Variants in ZNF91 observed in about 807,000 individuals in gnomAD.
ZNF91 encodes zinc finger protein 91 (HPF7, HTF10).
A neutral mutation model predicts 12.6 loss-of-function variants in ZNF91; 7 were observed. The ratio of observed to expected loss-of-function variants is 0.55; its 90% CI spans 0.31 to 1.04. The LOEUF is 1.04. ZNF91 is among the 50% of genes least tolerant of loss of function. ZNF91 has a pLI of 0.05. For synonymous variants in ZNF91, 453 were observed against 462.6 expected, an observed-to-expected ratio of 0.98 and a Z score of 0.27; for missense variants, 1,217 against 1,385.4, an observed-to-expected ratio of 0.88 and a Z score of 1.93.
intron 3 of ZNF91, among the ~76,000 whole-genome samples, chr19:23,348,745 T>C (rs1416904427): frequency 1.3e-5 from 2 of 152,184 alleles, no homozygotes; most frequent in African/African-American, 2.4e-5. Flanking sequence ...CTTATGGTTA[T>C]CTCTATTCTG....
At chr19:23,368,510 ATCTCTCTCTCTC>A (rs573590418) in intron 3 of ZNF91, among the ~76,000 whole-genome samples, 2,336 of 94,292 alleles carry the variant, frequency 0.025, 70 homozygotes, top group African/African-American at 0.064. Context: ...GCGAAACTCC[ATCTCTCTCTCTC>A]TCTCTCTCTC....
chr19:23,358,964 T>C lies in ZNF91; in HGVS notation c.*439A>G. ...TCACACTTGTAAGATTTCTCTCCAATATGAGTTATCTTATCTGTAGTAAGG... is the reference window on the plus strand; with the variant it reads ...TCACACTTGTAAGATTTCTCTCCAACATGAGTTATCTTATCTGTAGTAAGG... On this transcript the variant is annotated 3_prime_UTR_variant, in exon 4 of 4. Transcript: ENST00000300619. 5.4e-6 allele frequency: 2 copies of C among 369,572 alleles called. No individual in the cohort carries two copies. Among genetic ancestry groups the C allele is most frequent in the South Asian group, 2.8e-5 (1 of 36,076 alleles). The allele number at this position is 369,572 out of a possible 1,614,324, so 22.9% of individuals were successfully genotyped here.
Position 23,361,921 on chromosome 19 carries a change from T to C in ZNF91, c.1058A>G (p.Lys353Arg), listed in dbSNP as rs1408632580. ...IHTGEKPYKC[K>R]ECGKAFSNSS... is the part of the protein sequence containing the mutation. ...ATTGCTAAAAGCTTTGCCACATTCT[T>C]TACATTTGTAGGGTTTCTCTCCAGT... Residue 353 changes from lysine to arginine, a missense_variant, in exon 4 of 4, where the codon AAA (lysine) becomes AGA (arginine). Lys to Arg is a conservative substitution (Grantham distance 26, BLOSUM62 2). Around this residue, in one of 2 missense-constraint regions of ZNF91, gnomAD observed 726 missense variants for 895.5 expected, o/e 0.81. Coordinates refer to ENST00000300619, the MANE Select transcript of ZNF91 (RefSeq NM_003430.4). The C allele has an allele frequency of 6.2e-7, 1 of 1,613,710 alleles. No individual in the cohort carries two copies. The highest frequency in any genetic ancestry group is 1.1e-5 in the South Asian group (1 of 91,068).
chr19:23,335,910 G>T (rs531402977), downstream of ZNF91, among the ~76,000 whole-genome samples: 75 of 152,240 alleles, frequency 4.9e-4, no homozygotes, highest in South Asian at 0.011. Context: ...ACTCATGCTG[G>T]GAGCCGTAGA....
At chr19:23,306,638 T>C (rs1301663989) in intron 3 of ZNF91, among the ~76,000 whole-genome samples, 2 of 152,214 alleles carry the variant, frequency 1.3e-5, no homozygotes, top group Non-Finnish European at 2.9e-5. Context: ...ATATAACTCT[T>C]GTGCCCTGGC....
At chr19:23,378,664 A>G (rs73565049) in intron 1 of ZNF91, among the ~76,000 whole-genome samples, 118 of 152,304 alleles carry the variant, frequency 7.7e-4, no homozygotes, top group African/African-American at 2.7e-3. Flanking sequence ...GTTTATTAAT[A>G]TATGTTCAGG....
upstream of ZNF91, among the ~76,000 whole-genome samples, chr19:23,310,951 T>C (rs1298232586): frequency 6.6e-6 from 1 of 152,158 alleles, no homozygotes; most frequent in African/African-American, 2.4e-5. Context: ...GCTTGGACCG[T>C]CCCCACAGTA....
chr19:23,326,745 A>C (rs1967845826), intron 1 of ZNF91: 2 of 152,206 alleles, frequency 1.3e-5, no homozygotes, highest in Admixed American at 1.3e-4. Context: ...AGTGGGTATA[A>C]ACTAACAACT....
Position 23,357,750 on chromosome 19 carries a change from C to G in ZNF91, c.*1653G>C, listed in dbSNP as rs986073940. ...TTTTATTATGACCATAAAAATAATC[C>G]TGTAGTCAACAACAATTTAATTGTA... On this transcript the variant is annotated 3_prime_UTR_variant, in exon 4 of 4. Transcript: ENST00000300619. The G allele has an allele frequency of 6.6e-6, 1 of 152,092 alleles. No individual in the cohort carries two copies. The highest frequency in any genetic ancestry group is 2.4e-5 in the African/African-American group (1 of 41,418). The allele number at this position is 152,092 out of a possible 1,614,324, so 9.4% of individuals were successfully genotyped here.
At chr19:23,323,746 CTCT>C (rs1367730832) in intron 1 of ZNF91, among the ~76,000 whole-genome samples, 11 of 105,964 alleles carry the variant, frequency 1.0e-4, no homozygotes, top group Non-Finnish European at 1.4e-4. Flanking sequence ...TTCTCCTCTC[CTCT>C]TTTTCTCATT....
At chr19:23,377,970 TAA>T (rs960980855) in intron 1 of ZNF91, among the ~76,000 whole-genome samples, 1 of 152,132 alleles carries the variant, frequency 6.6e-6, no homozygotes, top group African/African-American at 2.4e-5. Flanking sequence ...CTCATTTTTT[TAA>T]AAAAATGCAT....
downstream of ZNF91, among the ~76,000 whole-genome samples, chr19:23,335,447 C>T (rs1967988021): frequency 6.6e-6 from 1 of 152,230 alleles, no homozygotes; most frequent in South Asian, 2.1e-4. Flanking sequence ...GGCAGGCAGG[C>T]CTCCTTGAGC....
chr19:23,354,209 CAATATCCAAAAACATGTCGAAAAG>C (rs1968431927), downstream of ZNF91, among the ~76,000 whole-genome samples: 2 of 152,094 alleles, frequency 1.3e-5, no homozygotes, highest in South Asian at 4.1e-4. Flanking sequence ...TACTAGCTAA[CAATATCCAAAAACATGTCGAAAAG>C]AATATCCAAC....
intron 3 of ZNF91, among the ~76,000 whole-genome samples, chr19:23,350,210 C>T (rs569987968): frequency 6.6e-6 from 1 of 152,248 alleles, no homozygotes; most frequent in East Asian, 1.9e-4. Context: ...AAAAGCAGTA[C>T]TAGAAATCAC....
intron 3 of ZNF91, among the ~76,000 whole-genome samples, chr19:23,371,887 C>A (rs777216634): frequency 1.3e-5 from 2 of 152,038 alleles, no homozygotes; most frequent in Non-Finnish European, 2.9e-5. Flanking sequence ...TAAATATGTG[C>A]TATTTTTACA....
rs1968553629 is a variant in ZNF91 at position 23,358,409 on chromosome 19, T to TA, written c.*993_*994insT. ...TCTACTTAAATTTTCATCATGCATCTTACATTTTTAATGTCCTTACCTTTC... is the reference window on the plus strand; with the variant it reads ...TCTACTTAAATTTTCATCATGCATCTATACATTTTTAATGTCCTTACCTTTC... On this transcript the variant is annotated 3_prime_UTR_variant, in exon 4 of 4. Transcript: ENST00000300619. 6.6e-6 allele frequency: 1 copy of TA among 152,216 alleles called. No homozygotes were observed. The highest frequency in any genetic ancestry group is 6.5e-5 in the Admixed American group (1 of 15,284). 9.4% of individuals were successfully genotyped at this position (152,216 alleles called of 1,614,324 possible).
intron 1 of ZNF91, among the ~76,000 whole-genome samples, chr19:23,383,409 T>A (rs188700538): frequency 6.2e-4 from 94 of 152,270 alleles, no homozygotes; most frequent in South Asian, 3.7e-3. Flanking sequence ...TGGAAGCGGA[T>A]GGGTACAGTG....
At chr19:23,379,373 G>A (rs1969615825) in intron 1 of ZNF91, among the ~76,000 whole-genome samples, 1 of 152,102 alleles carries the variant, frequency 6.6e-6, no homozygotes, top group Non-Finnish European at 1.5e-5. Flanking sequence ...CAGTGTTTGG[G>A]AAATATAATT....
At chr19:23,378,351 G>C (rs1969578683) in intron 1 of ZNF91, among the ~76,000 whole-genome samples, 1 of 152,168 alleles carries the variant, frequency 6.6e-6, no homozygotes, top group African/African-American at 2.4e-5. Context: ...CAAAAAGGGT[G>C]AATCTAAACA....
Sources: allele counts gnomAD v4.1 joint callset (sites outside exome capture counted in the v4.1 genomes callset), GRCh38; gene constraint gnomAD v4.1.1; regional missense constraint gnomAD v4.1.1; transcripts MANE v1.5; gene names NCBI Gene and HGNC (gene_info 2026-07-23, HGNC 2026-07-21).